The following PPFIA2 variants were observed in gnomAD, a reference collection of about 807,000 sequenced individuals.
PPFIA2 encodes the protein liprin-alpha-2.
A neutral mutation model predicts 175.5 loss-of-function variants in PPFIA2; 46 were observed. That is an observed-to-expected ratio of 0.26 (90% CI 0.21 to 0.34). The LOEUF is 0.34. Among genes scored for constraint, PPFIA2 ranks in the 10% least tolerant of loss-of-function variants. The pLI is 1.00. For missense variants in PPFIA2, 1,179 were observed against 1,506.1 expected (o/e 0.78, Z 3.60); for synonymous variants, 568 against 511.4 (o/e 1.11, Z -1.49).
chr12:81,629,910 A>G, intron 4 of PPFIA2, among the ~76,000 whole-genome samples: 1 of 152,216 alleles, frequency 6.6e-6, no homozygotes, highest in Non-Finnish European at 1.5e-5. Context: ...AAAAGTTTAC[A>G]GATGTGATTA....
chr12:81,754,562 C>T (rs2153667639), intron 2 of PPFIA2, among the ~76,000 whole-genome samples: 1 of 152,222 alleles, frequency 6.6e-6, no homozygotes, highest in Non-Finnish European at 1.5e-5. Flanking sequence ...ATTTCATCAC[C>T]TTTCTTATCT....
intron 4 of PPFIA2, among the ~76,000 whole-genome samples, chr12:81,673,554 T>C (rs987807006): frequency 1.3e-5 from 2 of 152,066 alleles, no homozygotes; most frequent in Admixed American, 6.6e-5. Context: ...CCTTTGTACT[T>C]CTATGTAAAT....
chr12:81,324,567 A>G (rs1284986345), intron 22 of PPFIA2, among the ~76,000 whole-genome samples: 4 of 152,022 alleles, frequency 2.6e-5, no homozygotes, highest in African/African-American at 4.8e-5. Flanking sequence ...AAAGGAAAGT[A>G]TTTTTTAGAA....
At chr12:81,439,882 G>A in intron 7 of PPFIA2, 90 bp downstream of exon 7, 1 of 1,043,670 alleles carries the variant, frequency 9.6e-7, no homozygotes, top group Non-Finnish European at 1.4e-6. Context: ...TTTATTTTTT[G>A]TGACAGTTAT....
intron 6 of PPFIA2, among the ~76,000 whole-genome samples, chr12:81,442,301 G>A (rs537252570): frequency 9.2e-5 from 14 of 151,990 alleles, no homozygotes; most frequent in Non-Finnish European, 1.9e-4. Flanking sequence ...AAAAATTGAT[G>A]CTGTGAATAT....
intron 4 of PPFIA2, among the ~76,000 whole-genome samples, chr12:81,639,415 C>G (rs952727419): frequency 3.3e-5 from 5 of 152,012 alleles, no homozygotes; most frequent in Non-Finnish European, 5.9e-5. Context: ...CCCAACATAT[C>G]AAAATACTAC....
At chr12:81,708,030 G>A (rs1037747814) in intron 3 of PPFIA2, among the ~76,000 whole-genome samples, 3 of 120,416 alleles carry the variant, frequency 2.5e-5, no homozygotes, top group Non-Finnish European at 5.0e-5. Context: ...TGTGGGGTGG[G>A]GGGAGGGGGG....
intron 16 of PPFIA2, among the ~76,000 whole-genome samples, chr12:81,355,020 T>A (rs1358486427): frequency 1.3e-5 from 2 of 152,156 alleles, no homozygotes; most frequent in Non-Finnish European, 2.9e-5. Context: ...GTTTCCAGAA[T>A]GTTTTCAATT....
intron 4 of PPFIA2, among the ~76,000 whole-genome samples, chr12:81,556,468 A>G (rs1196498654): frequency 6.6e-6 from 1 of 151,852 alleles, no homozygotes; most frequent in Non-Finnish European, 1.5e-5. Context: ...AAGATGCAAA[A>G]CTCTGAACTG....
chr12:81,298,587 G>T (rs752028556), intron 23 of PPFIA2, among the ~76,000 whole-genome samples: 7 of 152,132 alleles, frequency 4.6e-5, no homozygotes, highest in Non-Finnish European at 8.8e-5. Flanking sequence ...ATAGAGAACT[G>T]AATAGAAGGG....
chr12:81,639,268 C>CT (rs368148175), intron 4 of PPFIA2, among the ~76,000 whole-genome samples: 2,561 of 151,958 alleles, frequency 0.017, 39 homozygotes, highest in Middle Eastern at 0.054. Flanking sequence ...TTTCCCCCTG[C>CT]TTTTTTTTCT....
Position 81,750,926 on chromosome 12 carries a change from T to C in PPFIA2, c.249+3047A>G, listed in dbSNP as rs566578451. On this transcript the variant is annotated intron_variant, in intron 3 of 32. Transcript: ENST00000549396. Reference sequence around the variant, plus strand: ...TACCCTAGTGGTTTTCAATTTTACATGCTTTATTTCTGCCCCAAAAGTCAC... The same window carrying C: ...TACCCTAGTGGTTTTCAATTTTACACGCTTTATTTCTGCCCCAAAAGTCAC... 2.0e-5 allele frequency among the ~76,000 whole-genome samples: 3 copies of C among 152,260 alleles called. No homozygotes were observed. The East Asian group carries it at 5.8e-4, about 29-fold the overall frequency.
chr12:81,427,838 C>T (rs1016771546), intron 7 of PPFIA2, among the ~76,000 whole-genome samples: 9 of 151,914 alleles, frequency 5.9e-5, no homozygotes, highest in Non-Finnish European at 1.2e-4. Flanking sequence ...TTGAAAGATA[C>T]GTCCAAAATT....
chr12:81,483,725 TATCTAAGGTATTTAA>T (rs1434799247), intron 4 of PPFIA2, among the ~76,000 whole-genome samples: 1 of 152,078 alleles, frequency 6.6e-6, no homozygotes, highest in African/African-American at 2.4e-5. Flanking sequence ...AGGAAAAAAC[TATCTAAGGTATTTAA>T]AAATCAAAAT....
chr12:81,284,194 C>G, intron 25 of PPFIA2, 47 bp downstream of exon 25: 1 of 1,412,188 alleles, frequency 7.1e-7, no homozygotes, highest in Admixed American at 1.9e-5. Flanking sequence ...ATCCAAAGAG[C>G]AGCAAAGTCA....
intron 4 of PPFIA2, among the ~76,000 whole-genome samples, chr12:81,644,563 T>G (rs2065795638): frequency 6.6e-6 from 1 of 151,894 alleles, no homozygotes; most frequent in Non-Finnish European, 1.5e-5. Context: ...AATTCTATTT[T>G]CTACCTTTTT....
intron 32 of PPFIA2, chr12:81,259,921 T>G: frequency 6.1e-6 from 2 of 325,582 alleles, no homozygotes; most frequent in Non-Finnish European, 1.1e-5. Context: ...CAAAGGTAGT[T>G]ATGCAAAATG....
chr12:81,349,250 C>T (rs1047124569), intron 17 of PPFIA2, among the ~76,000 whole-genome samples: 1 of 152,190 alleles, frequency 6.6e-6, no homozygotes, highest in Non-Finnish European at 1.5e-5. Context: ...ACTTACATGT[C>T]ATTGGAATAA....
chr12:81,322,470 G>A (rs767522373), intron 22 of PPFIA2, among the ~76,000 whole-genome samples: 1 of 151,970 alleles, frequency 6.6e-6, no homozygotes, highest in African/African-American at 2.4e-5. Flanking sequence ...GAGAATAAGT[G>A]ACTCACCCCT....
Sources: allele counts gnomAD v4.1 joint callset (sites outside exome capture counted in the v4.1 genomes callset), GRCh38; gene constraint gnomAD v4.1.1; transcripts MANE v1.5; gene names NCBI Gene and HGNC (gene_info 2026-07-23, HGNC 2026-07-21).